The following RALYL variants were observed in gnomAD, a reference collection of about 807,000 sequenced individuals.
RALYL encodes RNA-binding Raly-like protein.
Under a neutral mutation model 35.1 loss-of-function variants are expected in RALYL, and 29 were observed. That is an observed-to-expected ratio of 0.83 (90% CI 0.61 to 1.13). The LOEUF (loss-of-function observed/expected upper bound fraction) is 1.13. RALYL is among the 50% of genes most tolerant of loss of function. RALYL has a pLI of 0.00. For missense variants in RALYL, 359 were observed against 360.4 expected (o/e 1.00, Z 0.03); for synonymous variants, 120 against 127.6 (o/e 0.94, Z 0.40).
At chr8:84,813,909 CCCA>C (rs1304464687) in intron 4 of RALYL, among the ~76,000 whole-genome samples, 1 of 130,550 alleles carries the variant, frequency 7.7e-6, no homozygotes, top group East Asian at 2.8e-4. Context: ...CTCCCCCCAC[CCCA>C]CGACAGGCCC....
chr8:84,379,133 G>A (rs933593872), intron 1 of RALYL, among the ~76,000 whole-genome samples: 1 of 151,844 alleles, frequency 6.6e-6, no homozygotes, highest in Non-Finnish European at 1.5e-5. Context: ...GATTTGAGCA[G>A]AACATTTAAA....
intron 1 of RALYL, among the ~76,000 whole-genome samples, chr8:84,306,014 A>G (rs1164294476): frequency 6.6e-6 from 1 of 152,114 alleles, no homozygotes; most frequent in Non-Finnish European, 1.5e-5. Context: ...AATACAAAAA[A>G]TTAGCCAGGC....
At chr8:84,868,980 A>G (rs1370954483) in intron 6 of RALYL, among the ~76,000 whole-genome samples, 2 of 151,902 alleles carry the variant, frequency 1.3e-5, no homozygotes, top group Non-Finnish European at 2.9e-5. Flanking sequence ...CTATAACTTC[A>G]GGCCAGTTGT....
At chr8:84,441,835 C>G (rs965815184) in intron 1 of RALYL, among the ~76,000 whole-genome samples, 1 of 151,982 alleles carries the variant, frequency 6.6e-6, no homozygotes, top group African/African-American at 2.4e-5. Context: ...ATTCCTCATC[C>G]CACTGCCCAT....
intron 2 of RALYL, among the ~76,000 whole-genome samples, chr8:84,674,540 G>A (rs1833843066): frequency 6.6e-6 from 1 of 151,970 alleles, no homozygotes; most frequent in Non-Finnish European, 1.5e-5. Flanking sequence ...TCTAAACACA[G>A]CATTCTTTTG....
chr8:84,533,083 A>T (rs969643958), intron 2 of RALYL, among the ~76,000 whole-genome samples: 1 of 152,130 alleles, frequency 6.6e-6, no homozygotes, highest in Non-Finnish European at 1.5e-5. Context: ...GAATTTTTTT[A>T]AATCACAATT....
chr8:84,304,646 C>T (rs751191318), intron 1 of RALYL, among the ~76,000 whole-genome samples: 1 of 152,140 alleles, frequency 6.6e-6, no homozygotes, highest in Non-Finnish European at 1.5e-5. Context: ...ATACTTTCCT[C>T]ACAATCAGAG....
At chr8:84,523,442 G>A (rs1286889894) in intron 1 of RALYL, among the ~76,000 whole-genome samples, 6 of 152,184 alleles carry the variant, frequency 3.9e-5, no homozygotes. Flanking sequence ...AGATTTGGGT[G>A]GGGACACAAG....
At chr8:84,837,464 T>C (rs1832253263) in intron 4 of RALYL, among the ~76,000 whole-genome samples, 1 of 152,170 alleles carries the variant, frequency 6.6e-6, no homozygotes, top group Admixed American at 6.5e-5. Context: ...TTTAATGAAG[T>C]TCGGTGAGGG....
chr8:84,235,625 A>G, intron 1 of RALYL, among the ~76,000 whole-genome samples: 1 of 152,236 alleles, frequency 6.6e-6, no homozygotes, highest in Non-Finnish European at 1.5e-5. Context: ...TTACCTTAGC[A>G]GAGATGCTAA....
chr8:84,580,509 C>G (rs992803419), intron 2 of RALYL, among the ~76,000 whole-genome samples: 2 of 152,112 alleles, frequency 1.3e-5, no homozygotes, highest in African/African-American at 4.8e-5. Flanking sequence ...CTTATGGTTA[C>G]TAATACAGCA....
At chr8:84,237,250 G>T (rs1586437616) in intron 1 of RALYL, among the ~76,000 whole-genome samples, 1 of 152,164 alleles carries the variant, frequency 6.6e-6, no homozygotes, top group African/African-American at 2.4e-5. Flanking sequence ...TGGTGGCTGG[G>T]CATAAATAAG....
chr8:84,360,931 T>C (rs1224295043), intron 1 of RALYL, among the ~76,000 whole-genome samples: 4 of 150,748 alleles, frequency 2.7e-5, no homozygotes, highest in Non-Finnish European at 5.9e-5. Context: ...AAATATTACC[T>C]TACATTCAAC....
rs566029663 is a variant in RALYL at position 84,842,737 on chromosome 8, G to A, written c.366-7243G>A. ...ATCCTCAGTAAAATACTGACAAACC[G>A]AATCCAGCGGCACATCAAAATGCTT... is the stretch of plus-strand genomic sequence containing the variant. On this transcript the variant is annotated intron_variant, in intron 4 of 8. Coordinates refer to ENST00000521268, the MANE Select transcript of RALYL (RefSeq NM_173848.7). Among the ~76,000 whole-genome samples the A allele has an allele frequency of 3.7e-4, 56 of 152,148 alleles. 1 individual carries two copies. The highest frequency in any genetic ancestry group is 1.2e-3 in the African/African-American group (51 of 41,494).
At chr8:84,686,500 G>A (rs964848245) in intron 2 of RALYL, among the ~76,000 whole-genome samples, 36 of 152,254 alleles carry the variant, frequency 2.4e-4, no homozygotes, top group African/African-American at 8.7e-4. Flanking sequence ...CACCTCCCGG[G>A]TTCAAGCAAT....
At chr8:84,733,776 G>A (rs1023001307) in intron 2 of RALYL, among the ~76,000 whole-genome samples, 2 of 152,150 alleles carry the variant, frequency 1.3e-5, no homozygotes, top group Admixed American at 6.6e-5. Flanking sequence ...CTGTGACTGG[G>A]ACACAGTGAT....
chr8:84,468,963 C>T (rs1427654559), intron 1 of RALYL, among the ~76,000 whole-genome samples: 7 of 151,350 alleles, frequency 4.6e-5, no homozygotes, highest in Admixed American at 3.9e-4. Flanking sequence ...GCATTCTTCA[C>T]GTAGTTCTCG....
intron 2 of RALYL, among the ~76,000 whole-genome samples, chr8:84,638,375 C>T (rs1443390122): frequency 6.6e-6 from 1 of 151,766 alleles, no homozygotes; most frequent in Non-Finnish European, 1.5e-5. Flanking sequence ...CACAAATGGA[C>T]AATCTAAGCT....
chr8:84,195,415 A>T (rs1165234460), intron 1 of RALYL, among the ~76,000 whole-genome samples: 1 of 152,126 alleles, frequency 6.6e-6, no homozygotes, highest in Non-Finnish European at 1.5e-5. Context: ...ACTCCAGCCC[A>T]GCGACAGAGC....
Sources: gnomAD v4.1 joint callset for allele counts (sites outside exome capture counted in the v4.1 genomes callset) on GRCh38, gnomAD v4.1.1 for gene constraint, MANE v1.5 for transcripts, NCBI Gene and HGNC (gene_info 2026-07-23, HGNC 2026-07-21) for gene names.